The following ABCB4 variants were observed in gnomAD, a reference collection of about 807,000 sequenced individuals.
ABCB4 encodes the protein phosphatidylcholine translocator ABCB4.
ABCB4 carries 76 observed loss-of-function variants against 145.7 expected under a neutral mutation model. The ratio of observed to expected loss-of-function variants is 0.52; its 90% CI spans 0.43 to 0.63. The LOEUF (loss-of-function observed/expected upper bound fraction) is 0.63. ABCB4 is among the 30% of genes least tolerant of loss of function. ABCB4 has a pLI of 0.00. For missense variants in ABCB4, 1,234 were observed against 1,553.1 expected (o/e 0.79, Z 3.45); for synonymous variants, 517 against 566.8 (o/e 0.91, Z 1.25).
chr7:87,471,827 A>AAGCAT lies in ABCB4; in HGVS notation c.135+789_135+793dup, dbSNP rs1813428649. On this transcript the variant is annotated intron_variant, in intron 3 of 27. Coordinates refer to ENST00000649586, the MANE Select transcript of ABCB4 (RefSeq NM_000443.4). ...ACAGAAAAGCACCGAAAACTGTTTTAAGCATAATCAGAATTCCTAATAGTT... is the reference window on the plus strand; with the variant it reads ...ACAGAAAAGCACCGAAAACTGTTTTAAGCATAGCATAATCAGAATTCCTAATAGTT... Among the ~76,000 whole-genome samples the AAGCAT allele has an allele frequency of 3.3e-5, 5 of 152,252 alleles. No individual in the cohort carries two copies. In the South Asian group the frequency reaches 1.0e-3, roughly 32 times the overall value.
intron 8 of ABCB4, among the ~76,000 whole-genome samples, chr7:87,447,802 A>T (rs1368894638): frequency 6.6e-6 from 1 of 152,230 alleles, no homozygotes; most frequent in Non-Finnish European, 1.5e-5. Flanking sequence ...TACTTATGGA[A>T]TATGAGTTCT....
At chr7:87,397,661 T>G (rs1415282590), downstream of ABCB4, among the ~76,000 whole-genome samples, 1 of 152,226 alleles carries the variant, frequency 6.6e-6, no homozygotes, top group Non-Finnish European at 1.5e-5. Context: ...AAGGCAGGAC[T>G]TCCTAAAGGT....
At chr7:87,366,349 C>T in the ABCB4 span, among the ~76,000 whole-genome samples, 9 of 151,722 alleles carry the variant, frequency 5.9e-5, no homozygotes, top group Non-Finnish European at 1.2e-4. Flanking sequence ...CAATTTTAGC[C>T]TTTTTGGGGA....
the ABCB4 span, chr7:87,377,410 T>A: frequency 6.2e-7 from 1 of 1,611,382 alleles, no homozygotes; most frequent in South Asian, 1.1e-5. Flanking sequence ...TCCTATAACT[T>A]GATTTCCTTT....
At chr7:87,441,039 G>A (rs188592077) in intron 12 of ABCB4, among the ~76,000 whole-genome samples, 12 of 152,216 alleles carry the variant, frequency 7.9e-5, no homozygotes, top group Admixed American at 2.6e-4. Context: ...GAGCCACTGC[G>A]CCTGGCCCAT....
chr7:87,377,829 G>C, the ABCB4 span, among the ~76,000 whole-genome samples: 16 of 152,230 alleles, frequency 1.1e-4, no homozygotes, highest in Admixed American at 9.2e-4. Context: ...GATTCACCTA[G>C]TAACTAGGTA....
At position 87,446,212 on chromosome 7, in the gene ABCB4, C is replaced by T. The variant is rs539896103; in HGVS notation, c.1005+822G>A. On this transcript the variant is annotated intron_variant, in intron 9 of 27. Transcript: ENST00000649586. ...ATTCACTTTCATAATGACCCCAAGTCATCATCAAAGGGCCAAATTATGCTC... is the reference window on the plus strand; with the variant it reads ...ATTCACTTTCATAATGACCCCAAGTTATCATCAAAGGGCCAAATTATGCTC... 9.2e-5 allele frequency among the ~76,000 whole-genome samples: 14 copies of T among 152,278 alleles called. No individual in the cohort carries two copies. The East Asian group carries it at 2.5e-3, about 27-fold the overall frequency.
At chr7:87,383,694 G>A in the ABCB4 span, among the ~76,000 whole-genome samples, 4 of 151,874 alleles carry the variant, frequency 2.6e-5, no homozygotes, top group Admixed American at 6.6e-5. Context: ...ATGGGGTTTC[G>A]TCGTGTTGGC....
chr7:87,372,007 C>CAAAAAAAAAAAAAAAAAAAAA, the ABCB4 span, among the ~76,000 whole-genome samples: 4 of 124,002 alleles, frequency 3.2e-5, no homozygotes, highest in Non-Finnish European at 3.3e-5. Flanking sequence ...AAAAAAAAAA[C>CAAAAAAAAAAAAAAAAAAAAA]AAAAAAAAAA....
chr7:87,410,966 G>A (rs1400334548), intron 23 of ABCB4, among the ~76,000 whole-genome samples: 3 of 152,274 alleles, frequency 2.0e-5, no homozygotes, highest in African/African-American at 7.2e-5. Context: ...TAGGGTGGTA[G>A]CAGTTTCCAG....
At chr7:87,424,587 C>T (rs745815423) in intron 16 of ABCB4, among the ~76,000 whole-genome samples, 5 of 152,156 alleles carry the variant, frequency 3.3e-5, no homozygotes, top group Admixed American at 6.5e-5. Context: ...CAAAACCTTG[C>T]CTTTTCTGTA....
At chr7:87,437,782 A>G (rs948623424) in intron 14 of ABCB4, among the ~76,000 whole-genome samples, 2 of 152,210 alleles carry the variant, frequency 1.3e-5, no homozygotes, top group African/African-American at 4.8e-5. Flanking sequence ...CCAGCCTAGC[A>G]TCAAAGCCTG....
chr7:87,431,253 G>T, intron 15 of ABCB4, 151 bp downstream of exon 15: 1 of 1,010,988 alleles, frequency 9.9e-7, no homozygotes, highest in Non-Finnish European at 1.5e-6. Flanking sequence ...CCTCTTTACA[G>T]ATTCTGATTT....
chr7:87,473,577 CTCCCCTTTTG>C (rs1048465621), intron 2 of ABCB4, among the ~76,000 whole-genome samples: 1 of 152,178 alleles, frequency 6.6e-6, no homozygotes, highest in African/African-American at 2.4e-5. Flanking sequence ...TTACAAAGTA[CTCCCCTTTTG>C]TACTCCTGAT....
intron 25 of ABCB4, among the ~76,000 whole-genome samples, chr7:87,407,786 T>G (rs908529609): frequency 6.6e-6 from 1 of 152,200 alleles, no homozygotes; most frequent in Non-Finnish European, 1.5e-5. Flanking sequence ...TCAGACTGAC[T>G]GGAAAGGCCC....
At chr7:87,385,109 T>G in the ABCB4 span, among the ~76,000 whole-genome samples, 15 of 152,278 alleles carry the variant, frequency 9.9e-5, no homozygotes, top group East Asian at 2.7e-3. Context: ...GCGGTATATT[T>G]TGAAGTTTGG....
the ABCB4 span, chr7:87,382,431 G>A: frequency 2.5e-6 from 4 of 1,613,502 alleles, no homozygotes; most frequent in Non-Finnish European, 3.4e-6. Flanking sequence ...TCTACAGATT[G>A]CGGCTTATGC....
At chr7:87,407,969 A>G in intron 25 of ABCB4, 68 bp downstream of exon 25, 4 of 1,586,406 alleles carry the variant, frequency 2.5e-6, no homozygotes, top group Non-Finnish European at 3.5e-6. Context: ...AATATTTTCC[A>G]TTATGACAAT....
At chr7:87,436,029 C>A (rs767317185) in intron 14 of ABCB4, among the ~76,000 whole-genome samples, 1 of 152,146 alleles carries the variant, frequency 6.6e-6, no homozygotes, top group South Asian at 2.1e-4. Flanking sequence ...CTTAATGAAC[C>A]TGTACATCTG....
Sources: allele counts gnomAD v4.1 joint callset (sites outside exome capture counted in the v4.1 genomes callset), GRCh38; gene constraint gnomAD v4.1.1; transcripts MANE v1.5; gene names NCBI Gene and HGNC (gene_info 2026-07-23, HGNC 2026-07-21).